The following PNKD variants were observed in gnomAD, a reference collection of about 807,000 sequenced individuals.
The protein encoded by PNKD is PNKD metallo-beta-lactamase domain containing, also known as probable thioesterase PNKD.
In PNKD, 36 loss-of-function variants were observed where a neutral mutation model predicts 45.3. That is an observed-to-expected ratio of 0.80 (90% CI 0.61 to 1.05). The LOEUF is 1.05. PNKD is among the 50% of genes least tolerant of loss of function. The pLI is 0.00. For missense variants in PNKD, 511 were observed against 506.6 expected, an observed-to-expected ratio of 1.01 and a Z score of -0.08; for synonymous variants, 197 against 210.1, an observed-to-expected ratio of 0.94 and a Z score of 0.54.
At chr2:218,299,502 C>T (rs1200559176) in intron 2 of PNKD, among the ~76,000 whole-genome samples, 1 of 152,064 alleles carries the variant, frequency 6.6e-6, no homozygotes, top group Admixed American at 6.6e-5. Context: ...TGGAGTGCAG[C>T]GAAGCAGTCA....
At chr2:218,330,950 G>A (rs1260469928) in intron 2 of PNKD, among the ~76,000 whole-genome samples, 4 of 152,332 alleles carry the variant, frequency 2.6e-5, no homozygotes, top group Non-Finnish European at 1.5e-5. Context: ...CAGCCTGCAA[G>A]GGAGCACTCA....
chr2:218,273,750 G>A (rs1384482043), intron 2 of PNKD, among the ~76,000 whole-genome samples: 1 of 150,978 alleles, frequency 6.6e-6, no homozygotes. Context: ...CACCGCCCTC[G>A]GCCTCCCAAA....
chr2:218,343,503 G>A lies in PNKD; in HGVS notation c.785G>A (p.Arg262Gln), dbSNP rs759669801. The change falls in exon 8 of 10, where the codon CGG becomes CAG. Residue 262 changes from arginine to glutamine, a missense_variant. Physicochemically the swap from Arg to Gln is conservative, Grantham distance 43 (BLOSUM62 1). Transcript: ENST00000273077. Reference protein sequence around the residue: ...GDLLFLSGCGRTFEGNAETML... With the variant: ...GDLLFLSGCGQTFEGNAETML... ...ATACCCTCCAACCCCCACCCAGGGC[G>A]GACCTTTGAGGGCAATGCAGAGACC... The A allele has an allele frequency of 3.4e-5, 55 of 1,612,662 alleles. No individual in the cohort carries two copies. The highest frequency in any genetic ancestry group is 3.3e-5 in the South Asian group (3 of 90,818).
intron 2 of PNKD, chr2:218,277,370 G>C: frequency 6.2e-7 from 1 of 1,614,052 alleles, no homozygotes; most frequent in Non-Finnish European, 8.5e-7. Flanking sequence ...CCTCACCTTG[G>C]TCTGAAAGCA....
In PNKD at chr2:218,271,370, TC is replaced by T. The variant is rs1690824085; in HGVS notation, c.68-9del. The T allele has an allele frequency of 6.8e-6, 11 of 1,612,682 alleles. No homozygotes were observed. The highest frequency in any genetic ancestry group is 9.3e-6 in the Non-Finnish European group (11 of 1,179,052). ...TCTCTTCTTACTGACCTTCCTTACCTCCATCCACAGGGATTCTCGCAGGAGC... is the reference window on the plus strand; with the variant it reads ...TCTCTTCTTACTGACCTTCCTTACCTCATCCACAGGGATTCTCGCAGGAGC... On this transcript the variant is annotated splice_polypyrimidine_tract_variant and intron_variant, in intron 1 of 9. Coordinates refer to ENST00000273077, the MANE Select transcript of PNKD (RefSeq NM_015488.5).
At chr2:218,282,093 A>AC in intron 2 of PNKD, 1 of 1,576,046 alleles carries the variant, frequency 6.3e-7, no homozygotes, top group Non-Finnish European at 8.6e-7. Context: ...GGGCCTGGGT[A>AC]CAGGGGGTTG....
chr2:218,305,511 C>CT (rs1235737471), intron 2 of PNKD, among the ~76,000 whole-genome samples: 116 of 150,550 alleles, frequency 7.7e-4, no homozygotes, highest in East Asian at 3.7e-3. Context: ...CCATGTCTGG[C>CT]TATTTTTTTT....
rs1553654482 is a variant in PNKD, at chr2:218,270,568, G to A, written c.33G>A (p.Lys11=). 1 of 1,204,612 alleles carries A rather than the reference G, an allele frequency of 8.3e-7. No individual in the cohort carries two copies. Among genetic ancestry groups the A allele is most frequent in the Non-Finnish European group, 1.1e-6 (1 of 932,934 alleles). 74.6% of individuals were successfully genotyped at this position (1,204,612 alleles called of 1,614,324 possible). MAAVVAATAL[K]GRGARNARVL... ...CGGTGGTAGCTGCTACGGCGCTGAA[G>A]GGCCGGGGGGCGAGAAATGCCCGCG... Residue 11 remains lysine, a synonymous_variant, in exon 1 of 10, where the codon AAG becomes AAA. Transcript: ENST00000273077.
intron 2 of PNKD, among the ~76,000 whole-genome samples, chr2:218,294,032 G>A (rs899597485): frequency 1.3e-5 from 2 of 151,948 alleles, no homozygotes; most frequent in East Asian, 1.9e-4. Context: ...AGTTACTTAG[G>A]GGGACTAGTG....
chr2:218,323,940 C>A (rs1434189660), intron 2 of PNKD, among the ~76,000 whole-genome samples: 2 of 152,230 alleles, frequency 1.3e-5, no homozygotes, highest in Non-Finnish European at 2.9e-5. Flanking sequence ...AAGTTAGGTT[C>A]TTCTGTCCCA....
intron 2 of PNKD, among the ~76,000 whole-genome samples, chr2:218,281,347 G>A (rs1374599731): frequency 6.6e-6 from 1 of 152,038 alleles, no homozygotes; most frequent in Non-Finnish European, 1.5e-5. Flanking sequence ...ATGTTGGCCA[G>A]GCTGGTCTCG....
chr2:218,287,587 G>A lies in PNKD; in HGVS notation c.236+16038G>A, dbSNP rs184845759. On this transcript the variant is annotated intron_variant, in intron 2 of 9. Coordinates refer to ENST00000273077, the MANE Select transcript of PNKD (RefSeq NM_015488.5). ...TAGCTGGGCGTGATATCCCACACCT[G>A]AAGTCCCAGCTACTCGGGAGGCTGA... 3.2e-3 allele frequency among the ~76,000 whole-genome samples: 491 copies of A among 152,258 alleles called. 3 individuals carry two copies. Among genetic ancestry groups the A allele is most frequent in the African/African-American group, 0.01 (430 of 41,544 alleles).
At chr2:218,275,321 C>T in intron 2 of PNKD, 6 of 1,020,584 alleles carry the variant, frequency 5.9e-6, no homozygotes, top group Non-Finnish European at 8.2e-6. Flanking sequence ...ACATCCATAG[C>T]CAGAGAGGCC....
At chr2:218,332,858 C>T (rs1694369678) in intron 2 of PNKD, among the ~76,000 whole-genome samples, 1 of 152,158 alleles carries the variant, frequency 6.6e-6, no homozygotes, top group South Asian at 2.1e-4. Context: ...ATGGCCTGGC[C>T]CCTGCCCACC....
At chr2:218,323,438 G>A in intron 2 of PNKD, 2 of 1,552,486 alleles carry the variant, frequency 1.3e-6, no homozygotes, top group Non-Finnish European at 1.7e-6. Flanking sequence ...TCGGGTTAGT[G>A]CCCGGGCTCC....
intron 2 of PNKD, chr2:218,272,534 C>A: frequency 6.2e-7 from 1 of 1,611,030 alleles, no homozygotes; most frequent in East Asian, 2.2e-5. Flanking sequence ...AGGCTTGGCC[C>A]CTCCCCAAAC....
At chr2:218,294,441 C>T (rs1445756025) in intron 2 of PNKD, among the ~76,000 whole-genome samples, 2 of 152,194 alleles carry the variant, frequency 1.3e-5, no homozygotes, top group Non-Finnish European at 2.9e-5. Context: ...TCACAGATAT[C>T]GTCTGAGTCC....
intron 2 of PNKD, among the ~76,000 whole-genome samples, chr2:218,296,218 A>C (rs1404891045): frequency 6.6e-6 from 1 of 152,234 alleles, no homozygotes; most frequent in Non-Finnish European, 1.5e-5. Flanking sequence ...TACTAAAAAA[A>C]AGTACTCATT....
At chr2:218,277,936 A>G (rs776153753) in intron 2 of PNKD, 4 of 1,614,076 alleles carry the variant, frequency 2.5e-6, no homozygotes, top group Non-Finnish European at 3.4e-6. Context: ...TAGACTTACA[A>G]AAAGGGTCAG....
Sources: gnomAD v4.1 joint callset for allele counts (sites outside exome capture counted in the v4.1 genomes callset) on GRCh38, gnomAD v4.1.1 for gene constraint, MANE v1.5 for transcripts, NCBI Gene and HGNC (gene_info 2026-07-23, HGNC 2026-07-21) for gene names.